The following SRBD1 variants were observed in gnomAD, a reference collection of about 807,000 sequenced individuals.
The protein encoded by SRBD1 is S1 RNA binding domain 1.
In SRBD1, 88 loss-of-function variants were observed where a neutral mutation model predicts 115.3. The ratio of observed to expected loss-of-function variants is 0.76; its 90% CI spans 0.64 to 0.91. The LOEUF (loss-of-function observed/expected upper bound fraction) is 0.91, where lower values mean the gene tolerates loss of function less well. Ranked by LOEUF, SRBD1 falls within the 40% of genes least tolerant of loss-of-function variation. The probability of loss-of-function intolerance (pLI) is 0.00; values close to 1 mark genes in which losing one functional copy is unlikely to be tolerated. For missense variants in SRBD1, 1,385 were observed against 1,177.4 expected, an observed-to-expected ratio of 1.18 and a Z score of -2.58; for synonymous variants, 509 against 407.7, an observed-to-expected ratio of 1.25 and a Z score of -2.99.
intron 7 of SRBD1, among the ~76,000 whole-genome samples, chr2:45,578,185 G>A (rs996672483): frequency 1.3e-5 from 2 of 152,154 alleles, no homozygotes; most frequent in South Asian, 4.1e-4. Context: ...AAAAGCAGTC[G>A]ATAAGCCTTT....
chr2:45,439,495 T>C (rs993887122), intron 16 of SRBD1, among the ~76,000 whole-genome samples: 5 of 150,850 alleles, frequency 3.3e-5, no homozygotes, highest in African/African-American at 1.2e-4. Context: ...TGTATTATAA[T>C]CCCTAGAGTA....
intron 19 of SRBD1, among the ~76,000 whole-genome samples, chr2:45,408,362 C>T (rs1186878080): frequency 6.6e-6 from 1 of 152,178 alleles, no homozygotes; most frequent in East Asian, 1.9e-4. Flanking sequence ...AGGTTTTACA[C>T]TTGATCTTAG....
chr2:45,561,783 CAAATAAAAAGGGTAATAAAAAATT>C (rs1272164083), intron 10 of SRBD1, among the ~76,000 whole-genome samples: 15 of 152,066 alleles, frequency 9.9e-5, no homozygotes, highest in Non-Finnish European at 4.4e-5. Context: ...GCTCCCTTAA[CAAATAAAAAGGGTAATAAAAAATT>C]ACATAAGCTT....
chr2:45,507,211 G>A (rs900788167), intron 14 of SRBD1, among the ~76,000 whole-genome samples: 5 of 152,054 alleles, frequency 3.3e-5, no homozygotes, highest in African/African-American at 1.2e-4. Context: ...ATACAAGCAG[G>A]ACTAACCAGA....
intron 1 of SRBD1, among the ~76,000 whole-genome samples, chr2:45,609,457 T>G (rs917142521): frequency 6.6e-6 from 1 of 152,044 alleles, no homozygotes; most frequent in Non-Finnish European, 1.5e-5. Context: ...TGCAACTCAT[T>G]CTCCACTTAT....
At chr2:45,408,230 T>C (rs1304237055) in intron 19 of SRBD1, among the ~76,000 whole-genome samples, 2 of 152,148 alleles carry the variant, frequency 1.3e-5, no homozygotes, top group Admixed American at 6.6e-5. Context: ...TGAGAATATA[T>C]AGAGTATGAA....
chr2:45,542,422 G>A (rs954836263), intron 14 of SRBD1, among the ~76,000 whole-genome samples: 2 of 152,296 alleles, frequency 1.3e-5, no homozygotes, highest in South Asian at 4.1e-4. Context: ...CTGCAACTGC[G>A]CCCAGGAGCA....
At chr2:45,606,157 C>CTTTTTTTTTTTTTTTT (rs71394845) in intron 1 of SRBD1, among the ~76,000 whole-genome samples, 1 of 116,770 alleles carries the variant, frequency 8.6e-6, no homozygotes, top group East Asian at 2.3e-4. Context: ...TTTTCCTATT[C>CTTTTTTTTTTTTTTTT]TTTTTTTTTT....
intron 16 of SRBD1, among the ~76,000 whole-genome samples, chr2:45,470,153 CTTACT>C (rs984257831): frequency 2.8e-4 from 43 of 152,128 alleles, no homozygotes; most frequent in Non-Finnish European, 3.2e-4. Context: ...GGCAAGAAAC[CTTACT>C]TTATTTAGAC....
At chr2:45,596,275 A>G (rs1486336315) in intron 4 of SRBD1, among the ~76,000 whole-genome samples, 1 of 152,206 alleles carries the variant, frequency 6.6e-6, no homozygotes, top group Non-Finnish European at 1.5e-5. Flanking sequence ...CATTCTATTC[A>G]GCAAGTAATC....
chr2:45,418,046 G>T (rs1263515344), intron 18 of SRBD1, among the ~76,000 whole-genome samples: 2 of 152,184 alleles, frequency 1.3e-5, no homozygotes, highest in African/African-American at 4.8e-5. Flanking sequence ...TAAAGTAGTT[G>T]TATTACTCTC....
intron 14 of SRBD1, among the ~76,000 whole-genome samples, chr2:45,525,472 A>G (rs1671411968): frequency 6.6e-6 from 1 of 152,050 alleles, no homozygotes; most frequent in African/African-American, 2.4e-5. Context: ...AATAAAAAAT[A>G]GTAACAGTTT....
intron 7 of SRBD1, among the ~76,000 whole-genome samples, chr2:45,578,109 C>T (rs143545374): frequency 6.6e-6 from 1 of 152,164 alleles, no homozygotes; most frequent in African/African-American, 2.4e-5. Flanking sequence ...ACTCAAGAGA[C>T]CTTGGTACCA....
intron 9 of SRBD1, 106 bp downstream of exon 9, chr2:45,573,101 A>G (rs1572793750): frequency 2.4e-6 from 3 of 1,236,164 alleles, no homozygotes; most frequent in African/African-American, 3.1e-5. Flanking sequence ...AAGAAAAAAG[A>G]AAACAGTTGA....
Position 45,389,592 on chromosome 2 carries a change from A to T in SRBD1, c.2706T>A (p.Asp902Glu). Residue 902 changes from aspartate (D) to glutamate (E), a missense_variant, in exon 21 of 21, where the codon GAT (aspartate) becomes GAA (glutamate). By Grantham distance (45) the Asp-to-Glu change is conservative. Transcript: ENST00000263736. ...CTATGCTTCTCTTGAAATCAGGTTT[A>T]TCAAAATCTGTAAGAGAAAAAAAGT... ...PESFDFRTDFDKPDFKRSIVC... is the reference protein window; with the variant it reads ...PESFDFRTDFEKPDFKRSIVC... 2 of 1,611,396 alleles carry T rather than the reference A, an allele frequency of 1.2e-6. No individual in the cohort carries two copies. The highest frequency in any genetic ancestry group is 1.7e-6 in the Non-Finnish European group (2 of 1,178,834).
intron 16 of SRBD1, among the ~76,000 whole-genome samples, chr2:45,430,666 C>T (rs1668304376): frequency 6.6e-6 from 1 of 152,118 alleles, no homozygotes; most frequent in Admixed American, 6.5e-5. Flanking sequence ...AAGACTTAAA[C>T]ATAAGACCTA....
At chr2:45,491,291 T>A (rs1024623000) in intron 14 of SRBD1, among the ~76,000 whole-genome samples, 1 of 152,196 alleles carries the variant, frequency 6.6e-6, no homozygotes, top group East Asian at 1.9e-4. Context: ...GAACTTTATA[T>A]AAAATTCATA....
At position 45,606,286 on chromosome 2, in the gene SRBD1, A is replaced by C. The variant is rs1407432715; in HGVS notation, c.1-845T>G. Among the ~76,000 whole-genome samples, 3 of 150,998 alleles carry C rather than the reference A, an allele frequency of 2.0e-5. No individual in the cohort carries two copies. The Admixed American group carries it at 2.0e-4, about 10-fold the overall frequency. ...GCGATTCTCCTGCCTCAGCCTCCCT[A>C]GTAGCTGGGATTACAGGCATGCGCC... On this transcript the variant is annotated intron_variant, in intron 1 of 20. Coordinates refer to ENST00000263736, the MANE Select transcript of SRBD1 (RefSeq NM_018079.5).
At position 45,543,293 on chromosome 2, in the gene SRBD1, T is replaced by C. The variant is rs369172499; in HGVS notation, c.1874+3439A>G. Among the ~76,000 whole-genome samples the C allele has an allele frequency of 1.2e-4, 18 of 152,350 alleles. 1 individual carries two copies. In the South Asian group the frequency reaches 3.1e-3, roughly 26 times the overall value. ...TGCCCCCTAATATGTGTAAGTATCATGATTCGTAAGGTATTTTAAGGGTAG... is the reference window on the plus strand; with the variant it reads ...TGCCCCCTAATATGTGTAAGTATCACGATTCGTAAGGTATTTTAAGGGTAG... On this transcript the variant is annotated intron_variant, in intron 14 of 20. Transcript: ENST00000263736.
Sources: gnomAD v4.1 joint callset for allele counts (sites outside exome capture counted in the v4.1 genomes callset) on GRCh38, gnomAD v4.1.1 for gene constraint, MANE v1.5 for transcripts, NCBI Gene and HGNC (gene_info 2026-07-23, HGNC 2026-07-21) for gene names.